OR56A3: variants seen among roughly 807,000 people sequenced by gnomAD.
OR56A3 encodes the protein olfactory receptor family 56 subfamily A member 3.
OR56A3 carries 23 observed loss-of-function variants against 17.5 expected under a neutral mutation model. The ratio of observed to expected loss-of-function variants is 1.32; its 90% CI spans 0.95 to 1.87. The LOEUF is 1.87. OR56A3 is among the 40% of genes most tolerant of loss of function. The pLI is 0.00. For synonymous variants in OR56A3, 175 were observed against 150.6 expected, an observed-to-expected ratio of 1.16 and a Z score of -1.19; for missense variants, 366 against 380.1, an observed-to-expected ratio of 0.96 and a Z score of 0.31.
downstream of OR56A3, among the ~76,000 whole-genome samples, chr11:5,955,407 C>G (rs4453216): frequency 0.27 from 41,131 of 151,874 alleles, 5,880 homozygotes; most frequent in East Asian, 0.47. Flanking sequence ...TCTACAGCAA[C>G]CTGAATTCTT....
chr11:5,948,349 A>T lies in OR56A3; in HGVS notation c.*55A>T. 1 of 1,222,452 alleles carries T rather than the reference A, an allele frequency of 8.2e-7. No individual in the cohort carries two copies. Among genetic ancestry groups the T allele is most frequent in the South Asian group, 1.4e-5 (1 of 72,134 alleles). The allele number at this position is 1,222,452 out of a possible 1,614,324, so 75.7% of individuals were successfully genotyped here. ...AATAAGATAATTTATTAATCACTTA[A>T]TGAGTGAGTGGGCTGAAATTCATAT... On this transcript the variant is annotated 3_prime_UTR_variant, in exon 3 of 3. Transcript: ENST00000641160.
the OR56A3 span, among the ~76,000 whole-genome samples, chr11:6,003,913 C>G: frequency 0.012 from 1,811 of 152,312 alleles, 35 homozygotes; most frequent in African/African-American, 0.038. Context: ...TTATCCTTAG[C>G]ATATGTAATC....
chr11:5,959,693 T>G, the OR56A3 span, among the ~76,000 whole-genome samples: 1 of 152,216 alleles, frequency 6.6e-6, no homozygotes. Context: ...TTTGTCTATT[T>G]TTACTTTTGT....
the OR56A3 span, among the ~76,000 whole-genome samples, chr11:6,012,743 G>A: frequency 6.6e-6 from 1 of 152,338 alleles, no homozygotes; most frequent in African/African-American, 2.4e-5. Flanking sequence ...GCCATCCATG[G>A]TGCTCAGGCT....
the OR56A3 span, among the ~76,000 whole-genome samples, chr11:5,960,267 A>G: frequency 7.8e-6 from 1 of 128,052 alleles, no homozygotes; most frequent in African/African-American, 3.0e-5. Context: ...TCCCCTTTGC[A>G]CGGTCCTCGT....
the OR56A3 span, chr11:6,020,699 G>T: frequency 6.6e-5 from 10 of 152,050 alleles, no homozygotes; most frequent in Non-Finnish European, 1.2e-4. Context: ...GCTGGAGGAG[G>T]TTTTGGGCCT....
At chr11:5,981,945 C>G in the OR56A3 span, among the ~76,000 whole-genome samples, 38 of 152,288 alleles carry the variant, frequency 2.5e-4, no homozygotes, top group African/African-American at 8.2e-4. Flanking sequence ...ACTCAGCACT[C>G]CTGGGTTGTG....
the OR56A3 span, chr11:5,995,138 T>C: frequency 3.5e-6 from 2 of 574,194 alleles, no homozygotes; most frequent in Non-Finnish European, 6.3e-6. Context: ...GTGGAGAAGG[T>C]GGAGTGAGTG....
At chr11:5,953,585 G>A (rs1208875000), downstream of OR56A3, among the ~76,000 whole-genome samples, 1 of 152,086 alleles carries the variant, frequency 6.6e-6, no homozygotes, top group Admixed American at 6.6e-5. Flanking sequence ...AGTAGATCTG[G>A]CTGCATACTG....
chr11:5,980,809 A>G, the OR56A3 span, among the ~76,000 whole-genome samples: 16 of 152,176 alleles, frequency 1.1e-4, no homozygotes, highest in African/African-American at 3.9e-4. Context: ...AGTGGTGGTC[A>G]GCAACAGTCT....
the OR56A3 span, chr11:5,987,016 C>T: frequency 5.6e-5 from 73 of 1,303,892 alleles, no homozygotes; most frequent in Middle Eastern, 4.8e-4. Flanking sequence ...CAACTGCAAA[C>T]GAAGGGAATA....
rs773988755 is a variant in OR56A3, at chr11:5,947,850, A to G, written c.504A>G (p.Ala168=). The G allele has an allele frequency of 1.8e-5, 29 of 1,614,192 alleles. 1 individual carries two copies. The South Asian group carries it at 2.9e-4, about 16-fold the overall frequency. The change falls in exon 3 of 3, where the codon GCA becomes GCG. Residue 168 remains alanine, a synonymous_variant. Transcript: ENST00000641160. Reference sequence around the variant, plus strand: ...CTCTGCCCATCCCCATCCTTTCAGCACAACTCCGTTATTGTGGAAGAAATG... The same window carrying G: ...CTCTGCCCATCCCCATCCTTTCAGCGCAACTCCGTTATTGTGGAAGAAATG... ...LMTLPIPILS[A]QLRYCGRNVI...
the OR56A3 span, chr11:6,002,753 G>A: frequency 6.2e-7 from 1 of 1,614,168 alleles, no homozygotes; most frequent in Non-Finnish European, 8.5e-7. Context: ...CCTTGGGGAT[G>A]ACGGTGAGGC....
the OR56A3 span, among the ~76,000 whole-genome samples, chr11:5,958,538 A>AC: frequency 6.6e-6 from 1 of 152,168 alleles, no homozygotes; most frequent in African/African-American, 2.4e-5. Flanking sequence ...TTCATGTACA[A>AC]CAGGATGTTT....
the OR56A3 span, chr11:5,994,255 G>T: frequency 3.5e-6 from 2 of 574,404 alleles, no homozygotes; most frequent in South Asian, 3.2e-5. Context: ...TATCTCCAAA[G>T]ACTGGACTGT....
intron 2 of OR56A3, among the ~76,000 whole-genome samples, chr11:5,945,757 T>C (rs1847866240): frequency 6.6e-6 from 1 of 152,132 alleles, no homozygotes; most frequent in Non-Finnish European, 1.5e-5. Flanking sequence ...ATGAAACATA[T>C]TTCACAGAAT....
the OR56A3 span, among the ~76,000 whole-genome samples, chr11:5,969,974 T>C: frequency 3.3e-5 from 5 of 152,196 alleles, no homozygotes; most frequent in Non-Finnish European, 7.3e-5. Flanking sequence ...ATTCTAAGAC[T>C]GCACTATCTG....
chr11:5,945,452 T>C (rs909111907), intron 2 of OR56A3, among the ~76,000 whole-genome samples: 43 of 151,938 alleles, frequency 2.8e-4, no homozygotes, highest in African/African-American at 1.0e-3. Flanking sequence ...TGTGGTGGCG[T>C]GTGCCTGTAA....
the OR56A3 span, chr11:5,999,806 A>G: frequency 6.6e-6 from 1 of 152,364 alleles, no homozygotes; most frequent in Admixed American, 6.5e-5. Flanking sequence ...TTAAAGATGA[A>G]TAAAATACTC....
Sources: allele counts gnomAD v4.1 joint callset (sites outside exome capture counted in the v4.1 genomes callset), GRCh38; gene constraint gnomAD v4.1.1; transcripts MANE v1.5; gene names NCBI Gene and HGNC (gene_info 2026-07-23, HGNC 2026-07-21).